TRERF1: variants seen among roughly 807,000 people sequenced by gnomAD.
The protein encoded by TRERF1 is transcriptional regulating factor 1.
In TRERF1, 27 loss-of-function variants were observed where a neutral mutation model predicts 122.9. The ratio of observed to expected loss-of-function variants is 0.22; its 90% CI spans 0.16 to 0.30. The LOEUF (loss-of-function observed/expected upper bound fraction) is 0.30, where lower values mean the gene tolerates loss of function less well. Among genes scored for constraint, TRERF1 ranks in the 10% least tolerant of loss-of-function variants. The probability of loss-of-function intolerance (pLI) is 1.00; values close to 1 mark genes in which losing one functional copy is unlikely to be tolerated. For missense variants in TRERF1, 1,248 were observed against 1,560.3 expected (o/e 0.80, Z 3.37); for synonymous variants, 636 against 641.7 (o/e 0.99, Z 0.13).
At chr6:42,284,275 A>C (rs1433402401) in intron 4 of TRERF1, among the ~76,000 whole-genome samples, 1 of 139,064 alleles carries the variant, frequency 7.2e-6, no homozygotes, top group East Asian at 2.1e-4. Context: ...GCTGTTTCCC[A>C]GGCTGGTCTT....
At chr6:42,339,923 C>G (rs1291646338) in intron 3 of TRERF1, among the ~76,000 whole-genome samples, 3 of 152,224 alleles carry the variant, frequency 2.0e-5, no homozygotes, top group Non-Finnish European at 4.4e-5. Context: ...TTTCAGTTTA[C>G]TACTTAATAC....
intron 3 of TRERF1, among the ~76,000 whole-genome samples, chr6:42,358,867 G>A (rs1040276044): frequency 6.8e-6 from 1 of 147,604 alleles, no homozygotes; most frequent in African/African-American, 2.5e-5. Context: ...AGCACTCTCT[G>A]AGCCAAGGAA....
intron 4 of TRERF1, among the ~76,000 whole-genome samples, chr6:42,272,751 C>T (rs1245209756): frequency 6.6e-6 from 1 of 152,140 alleles, no homozygotes; most frequent in Non-Finnish European, 1.5e-5. Flanking sequence ...TGCTCTGGCC[C>T]ACTGGGGCTT....
intron 3 of TRERF1, among the ~76,000 whole-genome samples, chr6:42,362,150 T>G (rs1345493315): frequency 6.6e-6 from 1 of 152,080 alleles, no homozygotes; most frequent in African/African-American, 2.4e-5. Flanking sequence ...CAGTAGACGC[T>G]CTTCAATTAC....
intron 3 of TRERF1, among the ~76,000 whole-genome samples, chr6:42,334,418 A>G (rs536125601): frequency 1.3e-5 from 2 of 152,324 alleles, no homozygotes; most frequent in South Asian, 4.1e-4. Context: ...GTATTACCTA[A>G]CAGTATTACA....
intron 2 of TRERF1, among the ~76,000 whole-genome samples, 181 bp downstream of exon 2, chr6:42,450,996 C>T (rs1582321400): frequency 6.6e-6 from 1 of 152,202 alleles, no homozygotes; most frequent in Admixed American, 6.5e-5. Context: ...TGCTGTGCAG[C>T]CCGGAGAGGG....
At chr6:42,370,861 T>C (rs1240511083) in intron 2 of TRERF1, among the ~76,000 whole-genome samples, 1 of 152,200 alleles carries the variant, frequency 6.6e-6, no homozygotes, top group Non-Finnish European at 1.5e-5. Context: ...CCCTGGCCCC[T>C]GAGGAGGATC....
At chr6:42,287,477 G>A (rs1227148087) in intron 4 of TRERF1, among the ~76,000 whole-genome samples, 2 of 152,054 alleles carry the variant, frequency 1.3e-5, no homozygotes, top group African/African-American at 4.8e-5. Flanking sequence ...ATCTGAAGCC[G>A]AAAGGCCTCT....
At chr6:42,448,548 CA>C (rs545268742) in intron 2 of TRERF1, among the ~76,000 whole-genome samples, 328 of 152,260 alleles carry the variant, frequency 2.2e-3, no homozygotes, top group South Asian at 7.1e-3. Flanking sequence ...TCAGCTCACC[CA>C]AGTCCATGAA....
chr6:42,386,305 C>G (rs955965243), intron 2 of TRERF1, among the ~76,000 whole-genome samples: 1 of 152,050 alleles, frequency 6.6e-6, no homozygotes, highest in Non-Finnish European at 1.5e-5. Context: ...AGTAAAGTGC[C>G]TGGTGGCAGG....
chr6:42,419,553 T>TG (rs1394914634), intron 2 of TRERF1, among the ~76,000 whole-genome samples: 2 of 151,962 alleles, frequency 1.3e-5, no homozygotes, highest in Non-Finnish European at 2.9e-5. Flanking sequence ...TACTATACAC[T>TG]GGGGGGATTC....
chr6:42,230,230 T>A (rs1327909018), intron 17 of TRERF1, among the ~76,000 whole-genome samples: 1 of 152,122 alleles, frequency 6.6e-6, no homozygotes, highest in Non-Finnish European at 1.5e-5. Context: ...TCAGCACCTC[T>A]AAGAGGTATT....
Position 42,408,210 on chromosome 6 carries a change from A to AATATATATATATAT in TRERF1, c.-454+42953_-454+42966dup, listed in dbSNP as rs34821629. 7.9e-3 allele frequency among the ~76,000 whole-genome samples: 848 copies of AATATATATATATAT among 106,950 alleles called. 19 individuals are homozygous for AATATATATATATAT. The highest frequency in any genetic ancestry group is 0.012 in the Non-Finnish European group (628 of 54,058). 70.2% of individuals were successfully genotyped at this position (106,950 alleles called of 152,430 possible). On this transcript the variant is annotated intron_variant, in intron 2 of 17. Transcript: ENST00000372922. ...TTCCATTAACTTCGCTATATAAATA[A>AATATATATATATAT]ATATATATATATATATATGTGTGTG... is the stretch of plus-strand genomic sequence containing the variant.
chr6:42,270,053 G>C (rs1229720637), intron 4 of TRERF1, among the ~76,000 whole-genome samples: 4 of 152,198 alleles, frequency 2.6e-5, no homozygotes, highest in African/African-American at 9.7e-5. Context: ...GGGTGTGGTG[G>C]CATGCGCCTG....
At chr6:42,271,741 A>G (rs1400407628) in intron 4 of TRERF1, among the ~76,000 whole-genome samples, 2 of 152,174 alleles carry the variant, frequency 1.3e-5, no homozygotes, top group African/African-American at 4.8e-5. Flanking sequence ...AATTGTGATA[A>G]CTCAAACCAG....
At chr6:42,435,079 C>T (rs573069850) in intron 2 of TRERF1, among the ~76,000 whole-genome samples, 7 of 150,884 alleles carry the variant, frequency 4.6e-5, no homozygotes, top group African/African-American at 7.3e-5. Context: ...TGCAGTGAGC[C>T]GAGATTGTAC....
chr6:42,320,655 G>A (rs932486299), intron 3 of TRERF1, among the ~76,000 whole-genome samples: 2 of 151,374 alleles, frequency 1.3e-5, no homozygotes, highest in Non-Finnish European at 3.0e-5. Flanking sequence ...GATTACAGGC[G>A]CCCGCCACAA....
intron 2 of TRERF1, among the ~76,000 whole-genome samples, chr6:42,408,226 TATGTGTGTGTGTATGTATATATAC>T (rs1780495503): frequency 8.9e-6 from 1 of 112,460 alleles, no homozygotes; most frequent in African/African-American, 4.0e-5. Flanking sequence ...TATATATATA[TATGTGTGTGTGTATGTATATATAC>T]ATACACATGT....
intron 2 of TRERF1, among the ~76,000 whole-genome samples, chr6:42,369,175 C>A (rs1476341299): frequency 1.3e-5 from 2 of 152,124 alleles, no homozygotes; most frequent in African/African-American, 4.8e-5. Context: ...GGAGGCCAGG[C>A]ACGGTGGCTC....
Sources: gnomAD v4.1 joint callset for allele counts (sites outside exome capture counted in the v4.1 genomes callset) on GRCh38, gnomAD v4.1.1 for gene constraint, MANE v1.5 for transcripts, NCBI Gene and HGNC (gene_info 2026-07-23, HGNC 2026-07-21) for gene names.